TNPO3: variants seen among roughly 807,000 people sequenced by gnomAD.
TNPO3 encodes transportin 3.
A neutral mutation model predicts 122.8 loss-of-function variants in TNPO3; 65 were observed. The observed-to-expected ratio is 0.53, with a 90% CI of 0.43 to 0.65. The LOEUF is 0.65. Ranked by LOEUF, TNPO3 falls within the 30% of genes least tolerant of loss-of-function variation. TNPO3 has a pLI of 0.00. For missense variants in TNPO3, 850 were observed against 1,136.7 expected (o/e 0.75, Z 3.63); for synonymous variants, 372 against 411.2 (o/e 0.90, Z 1.15).
intron 1 of TNPO3, among the ~76,000 whole-genome samples, chr7:129,021,304 G>A (rs955219681): frequency 2.7e-5 from 4 of 149,566 alleles, no homozygotes; most frequent in Non-Finnish European, 5.9e-5. Flanking sequence ...GCAGTGAGCC[G>A]AGATCGCACC....
In TNPO3 at chr7:129,054,791, T is replaced by C. The variant is rs1288913331; in HGVS notation, c.-21A>G. ...TCCATGGTGGTGGCGGTAGTGGCGG[T>C]AGCGACGGCTCTGATTCTTCTCCGG... On this transcript the variant is annotated 5_prime_UTR_variant, in exon 1 of 23. Coordinates refer to ENST00000265388, the MANE Select transcript of TNPO3 (RefSeq NM_012470.4). 6.2e-7 allele frequency: 1 copy of C among 1,613,826 alleles called. No individual in the cohort carries two copies. The highest frequency in any genetic ancestry group is 2.2e-5 in the East Asian group (1 of 44,880).
intron 1 of TNPO3, among the ~76,000 whole-genome samples, chr7:129,034,384 TG>T (rs1407338733): frequency 6.6e-6 from 1 of 151,894 alleles, no homozygotes; most frequent in Non-Finnish European, 1.5e-5. Flanking sequence ...TCCCAGCTAC[TG>T]GGGGGTGTGG....
intron 4 of TNPO3, among the ~76,000 whole-genome samples, chr7:129,009,982 A>G (rs1803005413): frequency 1.3e-5 from 2 of 152,302 alleles, no homozygotes; most frequent in South Asian, 4.2e-4. Flanking sequence ...CTAAATGAAC[A>G]TGAGTCCATC....
intron 21 of TNPO3, among the ~76,000 whole-genome samples, chr7:128,962,859 T>G (rs1305390530): frequency 1.3e-5 from 2 of 152,180 alleles, no homozygotes. Context: ...TCTCTTTTCC[T>G]TGCCCCAAGA....
intron 1 of TNPO3, among the ~76,000 whole-genome samples, chr7:129,020,069 G>C (rs910155657): frequency 1.8e-4 from 27 of 152,054 alleles, no homozygotes; most frequent in African/African-American, 5.8e-4. Flanking sequence ...TTGGGATGCT[G>C]AGGCGAGAGG....
At chr7:128,984,041 A>C (rs1799901176) in intron 13 of TNPO3, 127 bp downstream of exon 13, 2 of 529,760 alleles carry the variant, frequency 3.8e-6, no homozygotes, top group Non-Finnish European at 6.5e-6. Context: ...TAATTTTAAT[A>C]AATTCTTAGT....
In TNPO3 at chr7:128,974,784, G is replaced by C. The variant is rs534191495; in HGVS notation, c.2273+84C>G. 91 of 1,177,328 alleles carry C rather than the reference G, an allele frequency of 7.7e-5. 1 individual carries two copies. In the African/African-American group the frequency reaches 1.2e-3, roughly 16 times the overall value. The allele number at this position is 1,177,328 out of a possible 1,614,324, so 72.9% of individuals were successfully genotyped here. Reference sequence around the variant, plus strand: ...TTACTCCAGTGACTTCATTTTACAAGAATAAAACAACCAAGGGTCAGATGG... The same window carrying C: ...TTACTCCAGTGACTTCATTTTACAACAATAAAACAACCAAGGGTCAGATGG... On this transcript the variant is annotated intron_variant, in intron 18 of 22. Transcript: ENST00000265388.
intron 11 of TNPO3, among the ~76,000 whole-genome samples, chr7:128,987,612 A>T (rs1800301466): frequency 6.6e-6 from 1 of 152,098 alleles, no homozygotes; most frequent in Non-Finnish European, 1.5e-5. Flanking sequence ...ACGGAGCCTC[A>T]CTCTGTCCCA....
intron 1 of TNPO3, among the ~76,000 whole-genome samples, chr7:129,040,018 A>G (rs916124489): frequency 4.6e-5 from 7 of 152,100 alleles, no homozygotes; most frequent in African/African-American, 4.8e-5. Context: ...ACTTTGGGAG[A>G]CCGAGGCAGG....
chr7:128,962,493 G>C (rs752078271), intron 21 of TNPO3, among the ~76,000 whole-genome samples: 15 of 152,134 alleles, frequency 9.9e-5, no homozygotes, highest in Non-Finnish European at 1.9e-4. Flanking sequence ...AAACAAAGTA[G>C]CATGTTGAGG....
rs964315128 is a variant in TNPO3, at chr7:128,972,572, G to A, written c.2284C>T (p.Arg762Cys). 1 of 1,613,644 alleles carries A rather than the reference G, an allele frequency of 6.2e-7. No individual in the cohort carries two copies. The highest frequency in any genetic ancestry group is 8.5e-7 in the Non-Finnish European group (1 of 1,179,836). ...CTCCGCAGCAAGGTGACAGGGCTAC[G>A]CTGAATAAACCTGGTGTGGAAAGTG... ...LFRLATRFIQ[R>C]SPVTLLRSQV... The change falls in exon 19 of 23, where the codon CGT becomes TGT. Residue 762 changes from arginine to cysteine, a missense_variant. Arg to Cys is a radical substitution (Grantham distance 180). Coordinates refer to ENST00000265388, the MANE Select transcript of TNPO3 (RefSeq NM_012470.4).
intron 21 of TNPO3, among the ~76,000 whole-genome samples, chr7:128,963,466 T>C (rs1410787355): frequency 6.6e-6 from 1 of 152,214 alleles, no homozygotes; most frequent in African/African-American, 2.4e-5. Flanking sequence ...ACTGAGAAGA[T>C]TCATAGTAAA....
At chr7:129,010,586 T>C (rs1380815994) in intron 4 of TNPO3, among the ~76,000 whole-genome samples, 4 of 152,096 alleles carry the variant, frequency 2.6e-5, no homozygotes, top group African/African-American at 7.2e-5. Context: ...ACAAACTACA[T>C]TATATTACAA....
At position 128,997,536 on chromosome 7, in the gene TNPO3, C is replaced by T; in HGVS notation, c.1012-1G>A. On this transcript the variant is annotated splice_acceptor_variant, in intron 7 of 22. Coordinates refer to ENST00000265388, the MANE Select transcript of TNPO3 (RefSeq NM_012470.4). LOFTEE classifies it high-confidence loss of function. ...AAAAGTTAAATGAAATTTCTACTAC[C>T]TGTTAGGTTAAAAGAGATGATTTAT... is the stretch of plus-strand genomic sequence containing the variant. 2 of 1,612,444 alleles carry T rather than the reference C, an allele frequency of 1.2e-6. No homozygotes were observed. Among genetic ancestry groups the T allele is most frequent in the Non-Finnish European group, 1.7e-6 (2 of 1,178,618 alleles).
chr7:129,019,687 A>G (rs1584576423), intron 1 of TNPO3, among the ~76,000 whole-genome samples: 1 of 152,058 alleles, frequency 6.6e-6, no homozygotes, highest in Admixed American at 6.6e-5. Context: ...CCGTGCCTCT[A>G]CAAAAAAATT....
chr7:128,964,939 A>C (rs1182743855), intron 21 of TNPO3, among the ~76,000 whole-genome samples: 1 of 152,190 alleles, frequency 6.6e-6, no homozygotes, highest in African/African-American at 2.4e-5. Context: ...ACAAAAATTA[A>C]CTCAAAAAGG....
chr7:129,050,640 T>A (rs7802762), intron 1 of TNPO3, among the ~76,000 whole-genome samples: 395 of 152,194 alleles, frequency 2.6e-3, no homozygotes, highest in African/African-American at 9.2e-3. Context: ...GACAGGAGTA[T>A]CATGCTGAAA....
At chr7:129,052,085 G>T (rs571248835) in intron 1 of TNPO3, among the ~76,000 whole-genome samples, 1 of 152,184 alleles carries the variant, frequency 6.6e-6, no homozygotes, top group Non-Finnish European at 1.5e-5. Context: ...TTGCCTAAAC[G>T]TGATGTGTTA....
At chr7:128,972,305 T>C in intron 19 of TNPO3, 121 bp downstream of exon 19, 1 of 1,142,706 alleles carries the variant, frequency 8.8e-7, no homozygotes, top group African/African-American at 1.5e-5. Context: ...TCCACTATGA[T>C]ATATGTCTAC....
Sources: allele counts gnomAD v4.1 joint callset (sites outside exome capture counted in the v4.1 genomes callset), GRCh38; gene constraint gnomAD v4.1.1; transcripts MANE v1.5; gene names NCBI Gene and HGNC (gene_info 2026-07-23, HGNC 2026-07-21).